CTNND1: variants seen among roughly 807,000 people sequenced by gnomAD.
CTNND1 encodes the protein catenin delta 1.
CTNND1 carries 16 observed loss-of-function variants against 112.1 expected under a neutral mutation model. That is an observed-to-expected ratio of 0.14 (90% confidence interval 0.10 to 0.22). CTNND1 has a LOEUF of 0.22. Among genes scored for constraint, CTNND1 ranks in the 10% least tolerant of loss-of-function variants. The pLI, the probability that CTNND1 is intolerant of heterozygous loss-of-function variation, is 1.00. For synonymous variants in CTNND1, 420 were observed against 446.5 expected, an observed-to-expected ratio of 0.94 and a Z score of 0.75; for missense variants, 1,008 against 1,257.0, an observed-to-expected ratio of 0.80 and a Z score of 3.00.
rs1949942855 is a variant in CTNND1, at chr11:57,761,878, G to A, written c.-455G>A. The A allele has an allele frequency of 7.1e-6, 7 of 984,796 alleles. No individual in the cohort carries two copies. Among genetic ancestry groups the A allele is most frequent in the Non-Finnish European group, 8.4e-6 (7 of 829,810 alleles). The allele number at this position is 984,796 out of a possible 1,614,324, so 61.0% of individuals were successfully genotyped here. ...CCATTTTAGGTGTTGGATCTGAGGG[G>A]GAAAAAAAAGAGAGAGGGAGAGAGA... On this transcript the variant is annotated 5_prime_UTR_variant, in exon 1 of 21. Coordinates refer to ENST00000399050, the MANE Select transcript of CTNND1 (RefSeq NM_001085458.2).
At position 57,801,880 on chromosome 11, in the gene CTNND1, G is replaced by T; in HGVS notation, c.1104G>T (p.Leu368=). The change falls in exon 7 of 21, where the codon CTG becomes CTT. Residue 368 remains leucine (L), a synonymous_variant. Coordinates refer to ENST00000399050, the MANE Select transcript of CTNND1 (RefSeq NM_001085458.2). Reference sequence around the variant, plus strand: ...CTCCTAATTGGAGACAGCCAGAGCTGCCAGAGGTGATCGCCATGCTTGGAT... The same window carrying T: ...CTCCTAATTGGAGACAGCCAGAGCTTCCAGAGGTGATCGCCATGCTTGGAT... ...PPPPNWRQPE[L]PEVIAMLGFR... The T allele has an allele frequency of 6.2e-7, 1 of 1,614,044 alleles. No homozygotes were observed. The highest frequency in any genetic ancestry group is 8.5e-7 in the Non-Finnish European group (1 of 1,179,902).
In CTNND1 at chr11:57,796,532, G is replaced by A. The variant is rs753248517; in HGVS notation, c.496G>A (p.Asp166Asn). ...VAMGPDGLPV[D>N]ASSVSNNYIQ... ...TATGGGACCAGACGGGTTGCCTGTG[G>A]ATGCTTCATCAGTTTCTAACAACTA... The change falls in exon 6 of 21, where the codon GAT (aspartate) becomes AAT (asparagine). Residue 166 changes from aspartate (D) to asparagine (N), a missense_variant. Asp to Asn is a conservative substitution (Grantham distance 23, BLOSUM62 1). Around this residue, in one of 5 missense-constraint regions of CTNND1, gnomAD observed 404 missense variants for 457.9 expected, o/e 0.88. Transcript: ENST00000399050. The A allele has an allele frequency of 6.2e-7, 1 of 1,614,030 alleles. No individual in the cohort carries two copies. The highest frequency in any genetic ancestry group is 1.1e-5 in the South Asian group (1 of 91,090).
rs549286250 is a variant in CTNND1 at position 57,813,838 on chromosome 11, A to G, written c.2639-473A>G. The G allele has an allele frequency of 6.9e-4, 105 of 152,572 alleles. 1 individual carries two copies. Among genetic ancestry groups the G allele is most frequent in the Non-Finnish European group, 8.4e-4 (57 of 68,214 alleles). The allele number at this position is 152,572 out of a possible 1,614,324, so 9.5% of individuals were successfully genotyped here. A position where few individuals can be genotyped will look rare whatever the true frequency, so the allele number is the denominator to read the frequency against. On this transcript the variant is annotated intron_variant, in intron 17 of 20. Coordinates refer to ENST00000399050, the MANE Select transcript of CTNND1 (RefSeq NM_001085458.2). ...GTTATTAAAGATTATTTATGATAACATGTAAGAAGTTTACCATTAAGTGAA... is the reference window on the plus strand; with the variant it reads ...GTTATTAAAGATTATTTATGATAACGTGTAAGAAGTTTACCATTAAGTGAA...
intron 3 of CTNND1, among the ~76,000 whole-genome samples, chr11:57,793,799 T>C (rs544590983): frequency 1.3e-5 from 2 of 152,350 alleles, no homozygotes; most frequent in South Asian, 4.1e-4. Flanking sequence ...CCAGAGACCC[T>C]GTCTGCCAGA....
chr11:57,795,879 G>T, intron 5 of CTNND1, 150 bp downstream of exon 5: 1 of 866,352 alleles, frequency 1.2e-6, no homozygotes, highest in Non-Finnish European at 1.7e-6. Flanking sequence ...TAGAAAGGAT[G>T]AAGAGATGGG....
rs932070413 is a variant in CTNND1 at position 57,796,812 on chromosome 11, C to A, written c.776C>A (p.Pro259His). The change falls in exon 6 of 21, where the codon CCC (proline) becomes CAC (histidine). Residue 259 changes from proline to histidine, a missense_variant. By Grantham distance (77) the Pro-to-His change is moderately conservative. This residue lies in a region of CTNND1 where 404 missense variants were observed against 457.9 expected (regional missense o/e 0.88). Transcript: ENST00000399050. ...RAPSRQDVYG[P>H]QPQVRVGGSS... ...CCTAGTAGACAGGATGTGTATGGGCCCCAACCCCAGGTTCGGGTAGGTGGG... is the reference window on the plus strand; with the variant it reads ...CCTAGTAGACAGGATGTGTATGGGCACCAACCCCAGGTTCGGGTAGGTGGG... 1 of 1,610,254 alleles carries A rather than the reference C, an allele frequency of 6.2e-7. No individual in the cohort carries two copies. Among genetic ancestry groups the A allele is most frequent in the Non-Finnish European group, 8.5e-7 (1 of 1,177,488 alleles).
rs2060379010 is a variant in CTNND1, at chr11:57,788,669, A to G, written c.-213-368A>G. On this transcript the variant is annotated intron_variant, in intron 1 of 20. Transcript: ENST00000399050. The surrounding 1 kb of genome is among the most constrained non-coding windows in gnomAD (Gnocchi z 4.1). ...GACTGGGCTTTGAGGTTTCTGCCTT[A>G]GGGGTGGGAAGGGAGGGGGAAGGGC... 7.0e-6 allele frequency among the ~76,000 whole-genome samples: 1 copy of G among 142,924 alleles called. No individual in the cohort carries two copies. The highest frequency in any genetic ancestry group is 1.5e-5 in the Non-Finnish European group (1 of 64,840). The allele number at this position is 142,924 out of a possible 152,430, so 93.8% of individuals were successfully genotyped here.
Position 57,805,962 on chromosome 11 carries a change from A to G in CTNND1, c.1803A>G (p.Gln601=), listed in dbSNP as rs769787022. 11 of 1,613,248 alleles carry G rather than the reference A, an allele frequency of 6.8e-6. No homozygotes were observed. The highest frequency in any genetic ancestry group is 8.5e-6 in the Non-Finnish European group (10 of 1,179,554). Residue 601 remains glutamine, a synonymous_variant, in exon 10 of 21, where the codon CAA becomes CAG. Transcript: ENST00000399050. ...HREIPQAERY[Q]EAAPNVANNT... is the part of the protein sequence containing the mutation. ...AGATCCCACAGGCAGAGCGTTACCAAGAGGCAGCTCCCAATGTTGCCAACA... is the reference window on the plus strand; with the variant it reads ...AGATCCCACAGGCAGAGCGTTACCAGGAGGCAGCTCCCAATGTTGCCAACA...
Position 57,804,698 on chromosome 11 carries a change from A to G in CTNND1, c.1640A>G (p.Lys547Arg). The G allele has an allele frequency of 1.2e-6, 2 of 1,613,904 alleles. No homozygotes were observed. Among genetic ancestry groups the G allele is most frequent in the Non-Finnish European group, 1.7e-6 (2 of 1,179,838 alleles). Residue 547 changes from lysine to arginine, a missense_variant, in exon 9 of 21, where the codon AAA (lysine) becomes AGA (arginine). Lys to Arg is a conservative substitution (Grantham distance 26, BLOSUM62 2). This residue lies in a region of CTNND1 where 216 missense variants were observed against 342.8 expected (regional missense o/e 0.63). Coordinates refer to ENST00000399050, the MANE Select transcript of CTNND1 (RefSeq NM_001085458.2). ...VSSERSEARR[K>R]LRECDGLVDA... ...TCAGAGAGGAGTGAAGCTCGCCGGA[A>G]ACTTCGGGAATGTGATGGTTTAGTT... is the stretch of plus-strand genomic sequence containing the variant.
rs1318641098 is a variant in CTNND1 at position 57,796,802 on chromosome 11, G to A, written c.766G>A (p.Val256Met). The A allele has an allele frequency of 8.1e-6, 13 of 1,610,456 alleles. No homozygotes were observed. Among genetic ancestry groups the A allele is most frequent in the Non-Finnish European group, 9.3e-6 (11 of 1,177,460 alleles). Residue 256 changes from valine (V) to methionine (M), a missense_variant, in exon 6 of 21, where the codon GTG (valine) becomes ATG (methionine). Transcript: ENST00000399050. Reference protein sequence around the residue: ...EGYRAPSRQDVYGPQPQVRVG... With the variant: ...EGYRAPSRQDMYGPQPQVRVG... ...CTACCGGGCACCTAGTAGACAGGAT[G>A]TGTATGGGCCCCAACCCCAGGTTCG...
rs148878219 is a variant in CTNND1 at position 57,817,839 on chromosome 11, T to G, written c.*1531T>G. 6 of 152,610 alleles carry G rather than the reference T, an allele frequency of 3.9e-5. No individual in the cohort carries two copies. The highest frequency in any genetic ancestry group is 1.4e-4 in the African/African-American group (6 of 41,518). 9.5% of individuals were successfully genotyped at this position (152,610 alleles called of 1,614,324 possible). A position where few individuals can be genotyped will look rare whatever the true frequency, so the allele number is the denominator to read the frequency against. ...GAAATCAGCTGCTATGCGGGTTGAT[T>G]ATTATTATTATTTCTAATCCTTTTC... On this transcript the variant is annotated 3_prime_UTR_variant, in exon 21 of 21. Transcript: ENST00000399050.
chr11:57,764,582 C>G (rs1950642041), intron 1 of CTNND1, among the ~76,000 whole-genome samples: 1 of 152,098 alleles, frequency 6.6e-6, no homozygotes, highest in Non-Finnish European at 1.5e-5. Context: ...CTCCCCACAC[C>G]TTGTTTTTAG....
Position 57,782,446 on chromosome 11 carries a change from G to A in CTNND1, c.-213-6591G>A, listed in dbSNP as rs570793637. 2.6e-5 allele frequency among the ~76,000 whole-genome samples: 4 copies of A among 152,328 alleles called. 1 individual carries two copies. The highest frequency in any genetic ancestry group is 2.6e-4 in the Admixed American group (4 of 15,304). On this transcript the variant is annotated intron_variant, in intron 1 of 20. Transcript: ENST00000399050. ...CAGTTCACTAATTGGGGAGCCTTCT[G>A]AGCCACAGTAGGCTCAGAGACTCCA...
chr11:57,778,360 C>G (rs777946691), intron 1 of CTNND1, among the ~76,000 whole-genome samples: 1 of 152,126 alleles, frequency 6.6e-6, no homozygotes, highest in Non-Finnish European at 1.5e-5. Context: ...TGACTGAATC[C>G]AGATTGGTAA....
intron 6 of CTNND1, among the ~76,000 whole-genome samples, chr11:57,797,880 T>C (rs1262014101): frequency 2.7e-5 from 4 of 149,790 alleles, no homozygotes; most frequent in African/African-American, 9.8e-5. Flanking sequence ...GTGATTGTTA[T>C]TAGTCTGTGT....
chr11:57,802,983 T>A (rs930236639), intron 7 of CTNND1, among the ~76,000 whole-genome samples: 2 of 152,196 alleles, frequency 1.3e-5, no homozygotes, highest in Non-Finnish European at 2.9e-5. Context: ...GGGGTACTGG[T>A]AAACATCCAA....
At chr11:57,793,725 A>G (rs2136790726) in intron 3 of CTNND1, among the ~76,000 whole-genome samples, 1 of 152,356 alleles carries the variant, frequency 6.6e-6, no homozygotes, top group East Asian at 1.9e-4. Flanking sequence ...TGTTCAAGGC[A>G]CTAGACTAAA....
At chr11:57,774,206 G>T (rs1039725296) in intron 1 of CTNND1, among the ~76,000 whole-genome samples, 7 of 152,188 alleles carry the variant, frequency 4.6e-5, no homozygotes. Context: ...TCTCTCTGTT[G>T]TCAAGTGGTT....
chr11:57,815,613 G>A, intron 19 of CTNND1, 113 bp downstream of exon 19: 1 of 962,444 alleles, frequency 1.0e-6, no homozygotes, highest in Non-Finnish European at 1.7e-6. Flanking sequence ...TTTTCTGGTA[G>A]GGGTTTTCAG....
Sources: gnomAD v4.1 joint callset for allele counts (sites outside exome capture counted in the v4.1 genomes callset) on GRCh38, gnomAD v4.1.1 for gene constraint, gnomAD v4.1.1 regional missense constraint, Gnocchi (gnomAD v3.1) non-coding constraint, MANE v1.5 for transcripts, NCBI Gene and HGNC (gene_info 2026-07-23, HGNC 2026-07-21) for gene names.